Variants in TBCA observed in about 807,000 individuals in gnomAD.
TBCA encodes tubulin-specific chaperone A.
TBCA carries 6 observed loss-of-function variants against 15.8 expected under a neutral mutation model. The observed-to-expected ratio is 0.38, with a 90% CI of 0.21 to 0.75. TBCA has a LOEUF of 0.75. TBCA is among the 30% of genes least tolerant of loss of function. TBCA has a pLI of 0.46. For missense variants in TBCA, 90 were observed against 131.2 expected, an observed-to-expected ratio of 0.69 and a Z score of 1.53; for synonymous variants, 32 against 42.3, an observed-to-expected ratio of 0.76 and a Z score of 0.94.
At chr5:77,759,449 T>A (rs987231865) in intron 1 of TBCA, among the ~76,000 whole-genome samples, 3 of 152,202 alleles carry the variant, frequency 2.0e-5, no homozygotes, top group Non-Finnish European at 2.9e-5. Context: ...CTTCCCATAA[T>A]GGTCTGAACC....
At chr5:77,753,501 C>T (rs1202579826) in intron 1 of TBCA, among the ~76,000 whole-genome samples, 1 of 152,142 alleles carries the variant, frequency 6.6e-6, no homozygotes, top group African/African-American at 2.4e-5. Context: ...AAAGCTGAAG[C>T]AGAAAGTTAC....
chr5:77,699,752 T>C (rs1028121760), intron 2 of TBCA, among the ~76,000 whole-genome samples: 5 of 152,062 alleles, frequency 3.3e-5, no homozygotes, highest in Admixed American at 1.3e-4. Flanking sequence ...ATTTAAAAAC[T>C]GTTGGCTGGG....
intron 1 of TBCA, among the ~76,000 whole-genome samples, chr5:77,749,223 A>G (rs1341266492): frequency 6.6e-6 from 1 of 152,234 alleles, no homozygotes; most frequent in African/African-American, 2.4e-5. Flanking sequence ...AACTGTTCAC[A>G]AGAAGGTGAT....
At chr5:77,765,486 T>C (rs73765204) in intron 1 of TBCA, among the ~76,000 whole-genome samples, 10,815 of 152,220 alleles carry the variant, frequency 0.071, 533 homozygotes, top group African/African-American at 0.14. Context: ...GAAACTCTCA[T>C]AGAGATGGTG....
intron 1 of TBCA, among the ~76,000 whole-genome samples, chr5:77,760,833 C>T (rs998528267): frequency 4.6e-5 from 7 of 152,210 alleles, no homozygotes; most frequent in African/African-American, 9.7e-5. Context: ...AGCCTCTGCC[C>T]GGCTGCCACC....
intron 1 of TBCA, among the ~76,000 whole-genome samples, chr5:77,760,875 G>A (rs982630224): frequency 6.6e-6 from 1 of 152,150 alleles, no homozygotes; most frequent in African/African-American, 2.4e-5. Flanking sequence ...TCTCTGCCTG[G>A]CCACCCATCG....
At chr5:77,736,101 G>A (rs1746896884) in intron 1 of TBCA, among the ~76,000 whole-genome samples, 1 of 152,120 alleles carries the variant, frequency 6.6e-6, no homozygotes, top group Non-Finnish European at 1.5e-5. Context: ...TTGGGAGGCT[G>A]AGGTGGGCAG....
At chr5:77,705,692 G>A (rs772284407) in intron 2 of TBCA, 4 of 397,244 alleles carry the variant, frequency 1.0e-5, no homozygotes, top group African/African-American at 2.1e-5. Context: ...GCCAGGCATG[G>A]TGGCACACAT....
chr5:77,698,089 C>T (rs902362024), intron 2 of TBCA, among the ~76,000 whole-genome samples: 1 of 151,442 alleles, frequency 6.6e-6, no homozygotes, highest in African/African-American at 2.4e-5. Context: ...CACTGCACTC[C>T]AGCCTGGGCG....
At chr5:77,697,597 G>A (rs1439021333) in intron 2 of TBCA, among the ~76,000 whole-genome samples, 1 of 151,948 alleles carries the variant, frequency 6.6e-6, no homozygotes, top group Non-Finnish European at 1.5e-5. Flanking sequence ...AAATTTTGTG[G>A]GATGCAGCTA....
chr5:77,770,756 C>T (rs1185900269), intron 1 of TBCA, among the ~76,000 whole-genome samples: 1 of 151,758 alleles, frequency 6.6e-6, no homozygotes, highest in East Asian at 1.9e-4. Flanking sequence ...AACAAAGAGC[C>T]AGCTACACCC....
rs898868586 is a variant in TBCA, at chr5:77,767,357, C to G, written c.53+8848G>C. ...GGAAGTGAAAGGATCTCAACAACAA[C>G]AGAGAACTCAGTTAAAAAACAGTAA... On this transcript the variant is annotated intron_variant, in intron 1 of 3. Transcript: ENST00000380377. Among the ~76,000 whole-genome samples the G allele has an allele frequency of 3.3e-5, 5 of 152,256 alleles. No individual in the cohort carries two copies. The South Asian group carries it at 8.3e-4, about 25-fold the overall frequency.
chr5:77,730,398 C>T (rs930348406), intron 1 of TBCA, among the ~76,000 whole-genome samples: 1 of 126,598 alleles, frequency 7.9e-6, no homozygotes, highest in Non-Finnish European at 1.9e-5. Flanking sequence ...GGATTCTTCC[C>T]TAAGCCTCTT....
At chr5:77,750,793 CT>C (rs1747306788) in intron 1 of TBCA, among the ~76,000 whole-genome samples, 2 of 152,108 alleles carry the variant, frequency 1.3e-5, no homozygotes, top group Admixed American at 1.3e-4. Flanking sequence ...GTACAGCTTG[CT>C]TTTGTACGTT....
intron 1 of TBCA, among the ~76,000 whole-genome samples, chr5:77,757,668 C>G (rs372328047): frequency 1.3e-5 from 2 of 152,268 alleles, no homozygotes; most frequent in African/African-American, 4.8e-5. Flanking sequence ...TGTCAAAGGT[C>G]AGAGCCACCT....
chr5:77,753,256 T>C (rs1399243717), intron 1 of TBCA, among the ~76,000 whole-genome samples: 1 of 152,214 alleles, frequency 6.6e-6, no homozygotes, highest in African/African-American at 2.4e-5. Context: ...ACCAAAGTCA[T>C]GTGAATTAAA....
chr5:77,707,125 G>A (rs1746167649), intron 2 of TBCA, among the ~76,000 whole-genome samples: 1 of 151,800 alleles, frequency 6.6e-6, no homozygotes, highest in Non-Finnish European at 1.5e-5. Context: ...TTTAAGATGA[G>A]GGAAAAAAGA....
intron 1 of TBCA, among the ~76,000 whole-genome samples, chr5:77,732,766 G>A (rs528438954): frequency 3.9e-4 from 59 of 151,754 alleles, no homozygotes; most frequent in Non-Finnish European, 7.4e-4. Context: ...ATTGTTTTAC[G>A]GTCCCACAAA....
rs1358632921 is a variant in TBCA at position 77,752,651 on chromosome 5, C to T, written c.53+23554G>A. ...TCGGCTCACTGCAAGCTCCGCTTCCCGGGTTCACGCCATTCTCCTGCCTCA... is the reference window on the plus strand; with the variant it reads ...TCGGCTCACTGCAAGCTCCGCTTCCTGGGTTCACGCCATTCTCCTGCCTCA... On this transcript the variant is annotated intron_variant, in intron 1 of 3. Coordinates refer to ENST00000380377, the MANE Select transcript of TBCA (RefSeq NM_004607.3). Among the ~76,000 whole-genome samples the T allele has an allele frequency of 1.7e-5, 2 of 116,414 alleles. 1 individual carries two copies. The highest frequency in any genetic ancestry group is 5.2e-4 in the South Asian group (2 of 3,858). 76.4% of individuals were successfully genotyped at this position (116,414 alleles called of 152,430 possible). A position where few individuals can be genotyped will look rare whatever the true frequency, so the allele number is the denominator to read the frequency against.
Sources: gnomAD v4.1 joint callset for allele counts (sites outside exome capture counted in the v4.1 genomes callset) on GRCh38, gnomAD v4.1.1 for gene constraint, MANE v1.5 for transcripts, NCBI Gene and HGNC (gene_info 2026-07-23, HGNC 2026-07-21) for gene names.